CAMTA1: variants seen among roughly 807,000 people sequenced by gnomAD.
The protein encoded by CAMTA1 is calmodulin binding transcription activator 1, also known as calmodulin-binding transcription activator 1.
Under a neutral mutation model 170.9 loss-of-function variants are expected in CAMTA1, and 27 were observed. The observed-to-expected ratio is 0.16, with a 90% CI of 0.12 to 0.22. CAMTA1 has a LOEUF of 0.22. CAMTA1 is among the 10% of genes least tolerant of loss of function. CAMTA1 has a pLI of 1.00. For synonymous variants in CAMTA1, 833 were observed against 891.5 expected (o/e 0.93, Z 1.17); for missense variants, 1,619 against 2,217.2 (o/e 0.73, Z 5.42).
chr1:7,360,401 G>A (rs951957801), intron 5 of CAMTA1, among the ~76,000 whole-genome samples: 3 of 152,198 alleles, frequency 2.0e-5, no homozygotes, highest in Admixed American at 6.5e-5. Context: ...GTGTAAATCC[G>A]AGGAGATGGT....
chr1:7,084,550 T>G (rs948248680), intron 3 of CAMTA1, among the ~76,000 whole-genome samples: 2 of 152,238 alleles, frequency 1.3e-5, no homozygotes, highest in East Asian at 3.9e-4. Context: ...CCCCACACAC[T>G]GGAGGGGACA....
chr1:6,956,347 G>C (rs1305190646), intron 3 of CAMTA1, among the ~76,000 whole-genome samples: 1 of 152,096 alleles, frequency 6.6e-6, no homozygotes, highest in Non-Finnish European at 1.5e-5. Flanking sequence ...GGGGCCTTGT[G>C]GGCTTTCTGG....
chr1:6,802,143 G>T (rs529906973), intron 1 of CAMTA1, among the ~76,000 whole-genome samples: 1 of 152,328 alleles, frequency 6.6e-6, no homozygotes, highest in Admixed American at 6.5e-5. Flanking sequence ...GTGCAGCTGG[G>T]CAGTGGGAAC....
chr1:7,675,670 G>A (rs2096111885), intron 10 of CAMTA1, among the ~76,000 whole-genome samples: 1 of 152,124 alleles, frequency 6.6e-6, no homozygotes, highest in African/African-American at 2.4e-5. Context: ...TGTTGCCTTC[G>A]ACAGGAGGCT....
At chr1:7,735,495 G>A (rs558770698) in intron 12 of CAMTA1, among the ~76,000 whole-genome samples, 40 of 151,348 alleles carry the variant, frequency 2.6e-4, no homozygotes, top group African/African-American at 6.8e-4. Context: ...TGAAAGAGCC[G>A]CTATACCCGC....
At chr1:6,817,368 T>G (rs1342740898) in intron 1 of CAMTA1, among the ~76,000 whole-genome samples, 1 of 152,192 alleles carries the variant, frequency 6.6e-6, no homozygotes, top group African/African-American at 2.4e-5. Context: ...AGAAACTAAA[T>G]TAAAATGAGG....
Position 7,251,146 on chromosome 1 carries a change from A to G in CAMTA1, c.438+1520A>G, listed in dbSNP as rs1040825194. Among the ~76,000 whole-genome samples the G allele has an allele frequency of 2.0e-5, 3 of 152,154 alleles. No individual in the cohort carries two copies. The highest frequency in any genetic ancestry group is 2.1e-4 in the South Asian group (1 of 4,816). ...GCTCCTGTGCCCGTAGGCCCCTGGT[A>G]TATTTCATCTTTAGTAATACGTACA... On this transcript the variant is annotated intron_variant, in intron 5 of 22. Coordinates refer to ENST00000303635, the MANE Select transcript of CAMTA1 (RefSeq NM_015215.4). This position sits in a 1 kb window ranked among gnomAD's most constrained non-coding sequence, Gnocchi z 5.1.
intron 3 of CAMTA1, among the ~76,000 whole-genome samples, chr1:6,892,926 G>A (rs1557776633): frequency 6.6e-6 from 1 of 151,516 alleles, no homozygotes; most frequent in Non-Finnish European, 1.5e-5. Context: ...AGGTTTTCAT[G>A]TTTTGAAGTT....
At chr1:7,154,458 C>T (rs141970432) in intron 4 of CAMTA1, among the ~76,000 whole-genome samples, 93 of 152,304 alleles carry the variant, frequency 6.1e-4, no homozygotes, top group Non-Finnish European at 1.0e-3. Flanking sequence ...TTTCCAACCC[C>T]GCCATCACTT....
At chr1:7,574,786 A>G (rs1163911155) in intron 6 of CAMTA1, among the ~76,000 whole-genome samples, 2 of 152,038 alleles carry the variant, frequency 1.3e-5, no homozygotes, top group Non-Finnish European at 2.9e-5. Context: ...GCTGAGATGG[A>G]AGAAAAGTTC....
rs1470663122 is a variant in CAMTA1, at chr1:7,041,496, CTG to C, written c.235-49804_235-49803del. Among the ~76,000 whole-genome samples the C allele has an allele frequency of 1.3e-5, 2 of 152,210 alleles. No individual in the cohort carries two copies. Among genetic ancestry groups the C allele is most frequent in the Non-Finnish European group, 2.9e-5 (2 of 68,040 alleles). On this transcript the variant is annotated intron_variant, in intron 3 of 22. Coordinates refer to ENST00000303635, the MANE Select transcript of CAMTA1 (RefSeq NM_015215.4). This position sits in a 1 kb window ranked among gnomAD's most constrained non-coding sequence, Gnocchi z 5.1. ...GATTTATATCTGATTTTGCATTGAA[CTG>C]TGTCGTTATGTGGGGCTGAGAAACT... is the stretch of plus-strand genomic sequence containing the variant.
chr1:7,621,935 T>C (rs2095601432), intron 6 of CAMTA1, among the ~76,000 whole-genome samples: 1 of 152,212 alleles, frequency 6.6e-6, no homozygotes, highest in Admixed American at 6.5e-5. Context: ...CTAAAGATAG[T>C]GAGGCGTCTT....
At chr1:7,190,806 C>T (rs1654377956) in intron 4 of CAMTA1, among the ~76,000 whole-genome samples, 2 of 152,154 alleles carry the variant, frequency 1.3e-5, no homozygotes, top group African/African-American at 4.8e-5. Context: ...CCATTCTAAG[C>T]ACTTGAAATA....
chr1:7,626,464 C>T (rs890065337), intron 6 of CAMTA1, among the ~76,000 whole-genome samples: 13 of 152,190 alleles, frequency 8.5e-5, no homozygotes, highest in African/African-American at 3.1e-4. Flanking sequence ...ACAGAAAGCC[C>T]ACCAAACATC....
At chr1:7,023,952 T>TG (rs1245818451) in intron 3 of CAMTA1, among the ~76,000 whole-genome samples, 1 of 144,488 alleles carries the variant, frequency 6.9e-6, no homozygotes, top group African/African-American at 2.6e-5. Flanking sequence ...TGCTTGAATC[T>TG]GGCGGGGTGG....
intron 6 of CAMTA1, among the ~76,000 whole-genome samples, chr1:7,639,660 C>A (rs2095745113): frequency 2.6e-5 from 4 of 152,066 alleles, no homozygotes; most frequent in Admixed American, 2.6e-4. Context: ...GTAGTCCCAG[C>A]CTCAGGAGGC....
chr1:7,284,450 C>T (rs982328269), intron 5 of CAMTA1, among the ~76,000 whole-genome samples: 7 of 152,108 alleles, frequency 4.6e-5, no homozygotes, highest in African/African-American at 1.7e-4. Context: ...GATCTGCCCG[C>T]CTTGGCCTCC....
intron 5 of CAMTA1, among the ~76,000 whole-genome samples, chr1:7,338,375 G>A (rs1314548176): frequency 6.6e-6 from 1 of 152,208 alleles, no homozygotes; most frequent in Non-Finnish European, 1.5e-5. Context: ...AAAGGGATTG[G>A]CCTAGTTCTG....
chr1:6,988,361 A>G lies in CAMTA1; in HGVS notation c.235-102943A>G, dbSNP rs540752064. 9.8e-5 allele frequency among the ~76,000 whole-genome samples: 15 copies of G among 152,320 alleles called. No individual in the cohort carries two copies. The South Asian group carries it at 1.9e-3, about 19-fold the overall frequency. On this transcript the variant is annotated intron_variant, in intron 3 of 22. Coordinates refer to ENST00000303635, the MANE Select transcript of CAMTA1 (RefSeq NM_015215.4). ...GCAGACCTAATGAAAACCCGGTTTC[A>G]TTTTGCATAATCAGGCACTATTGAA...
Sources: gnomAD v4.1 joint callset for allele counts (sites outside exome capture counted in the v4.1 genomes callset) on GRCh38, gnomAD v4.1.1 for gene constraint, Gnocchi (gnomAD v3.1) non-coding constraint, MANE v1.5 for transcripts, NCBI Gene and HGNC (gene_info 2026-07-23, HGNC 2026-07-21) for gene names.